The following MGMT variants were observed in gnomAD, a reference collection of about 807,000 sequenced individuals.
MGMT encodes the protein O-6-methylguanine-DNA methyltransferase.
MGMT carries 14 observed loss-of-function variants against 15.9 expected under a neutral mutation model. The observed-to-expected ratio is 0.88, with a 90% CI of 0.58 to 1.37. MGMT has a LOEUF of 1.37. Ranked by LOEUF, MGMT falls within the 40% of genes most tolerant of loss-of-function variation. The probability of loss-of-function intolerance (pLI) is 0.00; values close to 1 mark genes in which losing one functional copy is unlikely to be tolerated. For synonymous variants in MGMT, 130 were observed against 118.2 expected (o/e 1.10, Z -0.65); for missense variants, 282 against 268.1 (o/e 1.05, Z -0.36).
chr10:129,743,474 G>A (rs1251802221), intron 3 of MGMT, among the ~76,000 whole-genome samples: 1 of 152,188 alleles, frequency 6.6e-6, no homozygotes, highest in Non-Finnish European at 1.5e-5. Flanking sequence ...TGGTGGCATC[G>A]TGGCCTCACC....
intron 2 of MGMT, among the ~76,000 whole-genome samples, chr10:129,706,055 C>T (rs1204990063): frequency 3.3e-5 from 5 of 152,208 alleles, no homozygotes; most frequent in South Asian, 4.1e-4. Context: ...AGGGCAGCTG[C>T]GGTGCCTTCT....
At chr10:129,564,606 T>C (rs1307509034) in intron 2 of MGMT, among the ~76,000 whole-genome samples, 4 of 27,134 alleles carry the variant, frequency 1.5e-4, no homozygotes, top group Non-Finnish European at 2.5e-4. Context: ...TTCCTCCTCC[T>C]CCCCCTCCTC....
At chr10:129,520,974 G>C (rs79947492) in intron 1 of MGMT, among the ~76,000 whole-genome samples, 1 of 85,548 alleles carries the variant, frequency 1.2e-5, no homozygotes, top group African/African-American at 7.8e-5. Flanking sequence ...CTACGGTGAG[G>C]GTGCAGAGCC....
rs768667991 is a variant in MGMT, at chr10:129,759,214, G to A, written c.287G>A (p.Arg96Lys). 9.9e-6 allele frequency: 16 copies of A among 1,614,070 alleles called. No individual in the cohort carries two copies. The Admixed American group carries it at 2.5e-4, about 25-fold the overall frequency. ...HPVFQQESFT[R>K]QVLWKLLKVV... is the part of the protein sequence containing the mutation. ...TTCTTCCTTTCAGAGTCGTTCACCA[G>A]ACAGGTGTTATGGAAGCTGCTGAAG... Residue 96 changes from arginine to lysine, a missense_variant, in exon 4 of 5, where the codon AGA becomes AAA. Physicochemically the swap from Arg to Lys is conservative, Grantham distance 26. Coordinates refer to ENST00000651593, the MANE Select transcript of MGMT (RefSeq NM_002412.5).
At chr10:129,469,646 C>G (rs1589824667) in intron 1 of MGMT, among the ~76,000 whole-genome samples, 1 of 152,168 alleles carries the variant, frequency 6.6e-6, no homozygotes, top group South Asian at 2.1e-4. Flanking sequence ...CCTCTGTTTC[C>G]TGGGACAAGT....
intron 2 of MGMT, among the ~76,000 whole-genome samples, chr10:129,590,896 G>T (rs763748049): frequency 2.0e-5 from 3 of 152,236 alleles, no homozygotes; most frequent in Non-Finnish European, 4.4e-5. Context: ...CCCGCCGGCT[G>T]ACGGAAAGGT....
intron 2 of MGMT, among the ~76,000 whole-genome samples, chr10:129,656,030 A>G (rs1414326042): frequency 2.0e-5 from 3 of 152,196 alleles, no homozygotes; most frequent in Non-Finnish European, 4.4e-5. Flanking sequence ...CAGCTAGCCA[A>G]GCTCTTCACC....
chr10:129,624,096 C>G (rs1404308052), intron 2 of MGMT, among the ~76,000 whole-genome samples: 2 of 152,266 alleles, frequency 1.3e-5, no homozygotes, highest in African/African-American at 4.8e-5. Flanking sequence ...CGCTCAGCGC[C>G]TGCGCGAATC....
intron 1 of MGMT, among the ~76,000 whole-genome samples, chr10:129,527,737 G>A (rs1391963005): frequency 6.6e-6 from 1 of 151,106 alleles, no homozygotes; most frequent in Non-Finnish European, 1.5e-5. Flanking sequence ...GACACGCCTG[G>A]AATCCGTGTT....
intron 1 of MGMT, among the ~76,000 whole-genome samples, chr10:129,520,131 CA>C (rs1340889107): frequency 6.6e-6 from 1 of 152,202 alleles, no homozygotes; most frequent in Non-Finnish European, 1.5e-5. Context: ...ACGTGTTCAT[CA>C]GTGGGCAGAA....
chr10:129,555,619 G>A (rs559479247), intron 2 of MGMT, among the ~76,000 whole-genome samples: 1 of 152,274 alleles, frequency 6.6e-6, no homozygotes, highest in South Asian at 2.1e-4. Context: ...GGAGGCTGAG[G>A]CGGGAGGACC....
chr10:129,467,402 G>A lies in MGMT; in HGVS notation c.-13+106G>A. Reference sequence around the variant, plus strand: ...GCGCCCTCACTTCGCCGTCGGGTGTGGGGCCGCCCTGACCCCCACCCATCC... The same window carrying A: ...GCGCCCTCACTTCGCCGTCGGGTGTAGGGCCGCCCTGACCCCCACCCATCC... On this transcript the variant is annotated intron_variant, in intron 1 of 4. Transcript: ENST00000651593. 3 of 1,381,012 alleles carry A rather than the reference G, an allele frequency of 2.2e-6. No individual in the cohort carries two copies. The South Asian group carries it at 4.8e-5, about 22-fold the overall frequency. The allele number at this position is 1,381,012 out of a possible 1,614,324, so 85.5% of individuals were successfully genotyped here.
chr10:129,645,494 T>C (rs1847378022), intron 2 of MGMT, among the ~76,000 whole-genome samples: 1 of 152,138 alleles, frequency 6.6e-6, no homozygotes, highest in African/African-American at 2.4e-5. Context: ...TTGGCCTCTC[T>C]TTGCAGGTTG....
At chr10:129,528,878 C>T (rs1432932203) in intron 1 of MGMT, among the ~76,000 whole-genome samples, 3 of 152,236 alleles carry the variant, frequency 2.0e-5, no homozygotes, top group Admixed American at 2.0e-4. Flanking sequence ...CTTCTCCTCG[C>T]TCTTTGGCTA....
In MGMT at chr10:129,531,507, G is replaced by C. The variant is rs1369939593; in HGVS notation, c.-12-4734G>C. On this transcript the variant is annotated intron_variant, in intron 1 of 4. Coordinates refer to ENST00000651593, the MANE Select transcript of MGMT (RefSeq NM_002412.5). ...TCTGCAGGCATCCCCCCACCTCTCT[G>C]CTCGCCCGGTGTGCACACCTGCTAG... Among the ~76,000 whole-genome samples the C allele has an allele frequency of 2.0e-5, 3 of 152,002 alleles. No homozygotes were observed. The East Asian group carries it at 5.8e-4, about 30-fold the overall frequency.
At chr10:129,529,132 G>T (rs1845902669) in intron 1 of MGMT, among the ~76,000 whole-genome samples, 1 of 151,952 alleles carries the variant, frequency 6.6e-6, no homozygotes, top group Non-Finnish European at 1.5e-5. Flanking sequence ...TAGAGCGGAG[G>T]CTGTGAAGCG....
At chr10:129,658,192 G>A (rs897943328) in intron 2 of MGMT, among the ~76,000 whole-genome samples, 3 of 152,096 alleles carry the variant, frequency 2.0e-5, no homozygotes, top group Non-Finnish European at 4.4e-5. Context: ...TCTGGCTCCC[G>A]CTGCAGCAGA....
At chr10:129,646,754 A>ATATATATATATTTTTTTTTTTTTTTTTT in intron 2 of MGMT, among the ~76,000 whole-genome samples, 3 of 86,664 alleles carry the variant, frequency 3.5e-5, no homozygotes, top group Non-Finnish European at 7.7e-5. Context: ...ATATATATAT[A>ATATATATATATTTTTTTTTTTTTTTTTT]TTTTCAGGGA....
At position 129,759,193 on chromosome 10, in the gene MGMT, TC is replaced by T; in HGVS notation, c.275-7del. On this transcript the variant is annotated splice_polypyrimidine_tract_variant and splice_region_variant and intron_variant, in intron 3 of 4. Transcript: ENST00000651593. ...TCCAAATAACATTATCCTGCATTCTTCCTTTCAGAGTCGTTCACCAGACAGG... is the reference window on the plus strand; with the variant it reads ...TCCAAATAACATTATCCTGCATTCTTCTTTCAGAGTCGTTCACCAGACAGG... The T allele has an allele frequency of 6.2e-7, 1 of 1,614,210 alleles. No individual in the cohort carries two copies. The highest frequency in any genetic ancestry group is 1.7e-5 in the Admixed American group (1 of 60,030).
Sources: allele counts gnomAD v4.1 joint callset (sites outside exome capture counted in the v4.1 genomes callset), GRCh38; gene constraint gnomAD v4.1.1; transcripts MANE v1.5; gene names NCBI Gene and HGNC (gene_info 2026-07-23, HGNC 2026-07-21).